Variants in ASPH observed in about 807,000 individuals in gnomAD.
ASPH encodes the protein aspartate beta-hydroxylase, also known as aspartyl/asparaginyl beta-hydroxylase.
A neutral mutation model predicts 118.4 loss-of-function variants in ASPH; 100 were observed. The observed-to-expected ratio is 0.84, with a 90% confidence interval of 0.72 to 1.00. The LOEUF is 1.00. Among genes scored for constraint, ASPH ranks in the 50% least tolerant of loss-of-function variants. ASPH has a pLI of 0.00. For synonymous variants in ASPH, 315 were observed against 325.6 expected (o/e 0.97, Z 0.35); for missense variants, 920 against 919.5 (o/e 1.00, Z -0.01).
intron 18 of ASPH, 35 bp from the exon 19 acceptor site, chr8:61,556,057 G>T (rs1440444317): frequency 6.3e-7 from 1 of 1,575,962 alleles, no homozygotes; most frequent in Admixed American, 1.7e-5. Flanking sequence ...ATAACTCAAA[G>T]AAAACATAGG....
At chr8:61,697,982 A>G (rs1228647938) in intron 1 of ASPH, among the ~76,000 whole-genome samples, 1 of 152,036 alleles carries the variant, frequency 6.6e-6, no homozygotes, top group Non-Finnish European at 1.5e-5. Flanking sequence ...AATGTCTTGT[A>G]AAGACAGAGT....
intron 8 of ASPH, 144 bp downstream of exon 8, chr8:61,643,801 A>G: frequency 1.4e-6 from 1 of 714,926 alleles, no homozygotes; most frequent in South Asian, 1.7e-5. Flanking sequence ...AGACATTTCT[A>G]TAAACATCTG....
At chr8:61,584,632 C>T (rs62506159) in intron 14 of ASPH, among the ~76,000 whole-genome samples, 47 of 75,092 alleles carry the variant, frequency 6.3e-4, no homozygotes, top group Admixed American at 1.8e-3. Context: ...TCTTTCTTTC[C>T]TTCTTTCTTT....
intron 14 of ASPH, among the ~76,000 whole-genome samples, chr8:61,595,934 G>A (rs566451001): frequency 2.6e-5 from 4 of 152,172 alleles, no homozygotes; most frequent in Non-Finnish European, 4.4e-5. Flanking sequence ...CTGGGGATCT[G>A]AAGATAGATC....
At chr8:61,699,923 G>A (rs1270453754) in intron 1 of ASPH, among the ~76,000 whole-genome samples, 1 of 152,160 alleles carries the variant, frequency 6.6e-6, no homozygotes, top group East Asian at 1.9e-4. Context: ...GGGAATGACG[G>A]CTACAGAGAA....
At chr8:61,656,958 G>A (rs140757528) in intron 3 of ASPH, 13 of 152,142 alleles carry the variant, frequency 8.5e-5, no homozygotes, top group East Asian at 5.8e-4. Context: ...GTATTTAATC[G>A]TTCAACAAAT....
Position 61,503,318 on chromosome 8 carries a change from C to A in ASPH, c.*41G>T. 6.4e-7 allele frequency: 1 copy of A among 1,563,552 alleles called. No homozygotes were observed. Among genetic ancestry groups the A allele is most frequent in the Non-Finnish European group, 8.7e-7 (1 of 1,149,780 alleles). On this transcript the variant is annotated 3_prime_UTR_variant, in exon 25 of 25. Transcript: ENST00000379454. ...ACCCAAGGAGATGGAACCAGAAAGG[C>A]AGCCTCTCTCCAGAGTTTCCCAAGC...
chr8:61,523,028 C>T (rs556302033), intron 22 of ASPH, among the ~76,000 whole-genome samples: 1 of 152,302 alleles, frequency 6.6e-6, no homozygotes, highest in East Asian at 1.9e-4. Context: ...CCAAAACTTC[C>T]AGCATCAGCC....
intron 24 of ASPH, among the ~76,000 whole-genome samples, chr8:61,507,055 T>C (rs1806876066): frequency 6.6e-6 from 1 of 152,194 alleles, no homozygotes; most frequent in Non-Finnish European, 1.5e-5. Context: ...CATTTTTCAC[T>C]AGATTATGAT....
chr8:61,663,221 G>C (rs1209699438), intron 3 of ASPH: 4 of 985,176 alleles, frequency 4.1e-6, no homozygotes, highest in African/African-American at 1.7e-5. Context: ...TGTCCCAGAA[G>C]CCCTACATTT....
intron 15 of ASPH, chr8:61,579,317 C>A: frequency 6.2e-7 from 1 of 1,614,222 alleles, no homozygotes; most frequent in African/African-American, 1.3e-5. Flanking sequence ...CCAAGCAGGA[C>A]ATGGCACGGC....
At chr8:61,623,364 A>G (rs1422483651) in intron 13 of ASPH, among the ~76,000 whole-genome samples, 1 of 152,126 alleles carries the variant, frequency 6.6e-6, no homozygotes, top group East Asian at 1.9e-4. Flanking sequence ...GAGAATTCAG[A>G]TCTCTTGCCC....
At chr8:61,586,586 A>G (rs1167681516) in intron 14 of ASPH, among the ~76,000 whole-genome samples, 2 of 152,140 alleles carry the variant, frequency 1.3e-5, no homozygotes, top group Non-Finnish European at 2.9e-5. Context: ...CCGGCCACAC[A>G]CTATACATAG....
At chr8:61,693,237 C>T (rs1334959752) in intron 1 of ASPH, among the ~76,000 whole-genome samples, 2 of 152,126 alleles carry the variant, frequency 1.3e-5, no homozygotes, top group East Asian at 1.9e-4. Context: ...ATTTTATATC[C>T]AACACTCATT....
At chr8:61,658,504 A>T (rs1814980447) in intron 3 of ASPH, 1 of 152,212 alleles carries the variant, frequency 6.6e-6, no homozygotes, top group African/African-American at 2.4e-5. Context: ...CACCTGGGAC[A>T]AGAGGATGCC....
rs774755144 is a variant in ASPH, at chr8:61,562,864, G to A, written c.1317C>T (p.Ser439=). The change falls in exon 18 of 25, where the codon TCC becomes TCT. Residue 439 remains serine (S), a synonymous_variant. Transcript: ENST00000379454. The part of the protein sequence containing the change: ...RQQFLGHMRG[S]LLTLQRLVQL... Reference sequence around the variant, plus strand: ...GAACTAATCTCTGCAGGGTAAGCAGGGAACCTCTCATATGACCTGAGTAGG... The same window carrying A: ...GAACTAATCTCTGCAGGGTAAGCAGAGAACCTCTCATATGACCTGAGTAGG... The A allele has an allele frequency of 9.4e-6, 15 of 1,602,846 alleles. No individual in the cohort carries two copies. Among genetic ancestry groups the A allele is most frequent in the South Asian group, 1.1e-5 (1 of 88,508 alleles).
In ASPH at chr8:61,682,519, T is replaced by C. The variant is rs775295648; in HGVS notation, c.254-1483A>G. 1.2e-5 allele frequency: 19 copies of C among 1,576,882 alleles called. No homozygotes were observed. In the Admixed American group the frequency reaches 3.2e-4, roughly 26 times the overall value. On this transcript the variant is annotated intron_variant, in intron 2 of 24. Transcript: ENST00000379454. ...GTAAAAACATGAAAACTGTTATTTG[T>C]GCTTAAAGGTACAAATACTTAAAGT...
At position 61,616,513 on chromosome 8, in the gene ASPH, A is replaced by G. The variant is rs111903713; in HGVS notation, c.976+2465T>C. ...CAGAAGCAAACCAGTCAATGTGTAA[A>G]TGAGAAAGGGCTCTGTTTGGTACAC... On this transcript the variant is annotated intron_variant, in intron 14 of 24. Transcript: ENST00000379454. Among the ~76,000 whole-genome samples, 797 of 152,318 alleles carry G rather than the reference A, an allele frequency of 5.2e-3. 7 individuals are homozygous for G. The highest frequency in any genetic ancestry group is 0.018 in the African/African-American group (743 of 41,572).
chr8:61,518,076 A>G lies in ASPH; in HGVS notation c.1948T>C (p.Leu650=). The G allele has an allele frequency of 6.2e-7, 1 of 1,613,964 alleles. No homozygotes were observed. The change falls in exon 23 of 25, where the codon TTA becomes CTA. Residue 650 remains leucine (L), a synonymous_variant. Transcript: ENST00000379454. ...GTTGTCTCGGGGAACTTTTCTAGTA[A>G]GGTACAGGTTTTAGGAGCTCCTTTG... ...ACKGAPKTCT[L]LEKFPETTGC...
Sources: allele counts gnomAD v4.1 joint callset (sites outside exome capture counted in the v4.1 genomes callset), GRCh38; gene constraint gnomAD v4.1.1; transcripts MANE v1.5; gene names NCBI Gene and HGNC (gene_info 2026-07-23, HGNC 2026-07-21).